CDH18: variants seen among roughly 807,000 people sequenced by gnomAD.
The protein encoded by CDH18 is cadherin 18.
In CDH18, 31 loss-of-function variants were observed where a neutral mutation model predicts 67.9. That is an observed-to-expected ratio of 0.46 (90% confidence interval 0.34 to 0.62). The LOEUF (loss-of-function observed/expected upper bound fraction) is 0.62, where lower values mean the gene tolerates loss of function less well. CDH18 is among the 20% of genes least tolerant of loss of function. The pLI, the probability that CDH18 is intolerant of heterozygous loss-of-function variation, is 0.01. For missense variants in CDH18, 890 were observed against 975.5 expected (o/e 0.91, Z 1.17); for synonymous variants, 362 against 347.2 (o/e 1.04, Z -0.48).
At chr5:20,008,734 C>T (rs933031709) in intron 2 of CDH18, among the ~76,000 whole-genome samples, 5 of 152,096 alleles carry the variant, frequency 3.3e-5, no homozygotes, top group Admixed American at 1.3e-4. Flanking sequence ...TATGCCCGGC[C>T]TATGCTCAAA....
intron 3 of CDH18, among the ~76,000 whole-genome samples, chr5:19,835,260 C>G (rs907313013): frequency 6.6e-6 from 1 of 151,978 alleles, no homozygotes; most frequent in African/African-American, 2.4e-5. Flanking sequence ...CCTCAGCAAA[C>G]TAACACAGGA....
intron 3 of CDH18, among the ~76,000 whole-genome samples, chr5:19,805,564 C>G (rs574055002): frequency 6.6e-6 from 1 of 152,150 alleles, no homozygotes; most frequent in Admixed American, 6.5e-5. Context: ...TAATACTTTG[C>G]ATTTTTCTAT....
intron 1 of CDH18, among the ~76,000 whole-genome samples, chr5:20,391,118 AAAACTT>A: frequency 1.3e-5 from 2 of 152,232 alleles, no homozygotes; most frequent in Middle Eastern, 6.8e-3. Flanking sequence ...CATGTACCCT[AAAACTT>A]AAAGTATAAT....
chr5:20,280,189 TTTTA>T (rs1489966136), intron 1 of CDH18, among the ~76,000 whole-genome samples: 12 of 151,868 alleles, frequency 7.9e-5, no homozygotes, highest in African/African-American at 2.9e-4. Flanking sequence ...TATTTATTTA[TTTTA>T]TTTATTTTTT....
chr5:20,494,401 T>C (rs73764432), intron 1 of CDH18, among the ~76,000 whole-genome samples: 5,876 of 152,056 alleles, frequency 0.039, 370 homozygotes, highest in African/African-American at 0.13. Flanking sequence ...AGAGGGAGGT[T>C]GTGAGAAAGT....
intron 5 of CDH18, among the ~76,000 whole-genome samples, chr5:19,665,122 T>A (rs1481082386): frequency 6.6e-6 from 1 of 151,980 alleles, no homozygotes; most frequent in African/African-American, 2.4e-5. Context: ...TAGAAAAAAA[T>A]TATATTACAT....
At chr5:19,716,932 C>T (rs902222174) in intron 5 of CDH18, among the ~76,000 whole-genome samples, 6 of 151,542 alleles carry the variant, frequency 4.0e-5, no homozygotes, top group Admixed American at 6.6e-5. Flanking sequence ...AACATAAACA[C>T]GCAAATATGA....
At chr5:20,020,086 A>G (rs1007254892) in intron 2 of CDH18, among the ~76,000 whole-genome samples, 3 of 152,172 alleles carry the variant, frequency 2.0e-5, no homozygotes, top group Non-Finnish European at 1.5e-5. Context: ...GGAACTTTGA[A>G]CTTCAGAGAG....
chr5:20,489,076 A>G (rs1753412988), intron 1 of CDH18, among the ~76,000 whole-genome samples: 1 of 151,970 alleles, frequency 6.6e-6, no homozygotes, highest in Non-Finnish European at 1.5e-5. Flanking sequence ...TCAAAAATCT[A>G]TTTTCATATC....
chr5:19,475,782 C>A (rs188937820), intron 12 of CDH18, among the ~76,000 whole-genome samples: 275 of 152,066 alleles, frequency 1.8e-3, no homozygotes, highest in African/African-American at 6.5e-3. Context: ...TTGTGTCTGG[C>A]AACCTTGATT....
chr5:19,588,176 T>C (rs537381090), intron 7 of CDH18, among the ~76,000 whole-genome samples: 5 of 152,026 alleles, frequency 3.3e-5, no homozygotes, highest in African/African-American at 9.7e-5. Context: ...TCAGCTTAAG[T>C]AGCTTTTGGG....
At position 20,127,532 on chromosome 5, in the gene CDH18, C is replaced by T. The variant is rs75241581; in HGVS notation, c.-518+127912G>A. Among the ~76,000 whole-genome samples, 909 of 152,088 alleles carry T rather than the reference C, an allele frequency of 6.0e-3. 30 individuals are homozygous for T. Among genetic ancestry groups the T allele is most frequent in the East Asian group, 0.049 (255 of 5,162 alleles). On this transcript the variant is annotated intron_variant, in intron 2 of 14. Transcript: ENST00000507958. Reference sequence around the variant, plus strand: ...CTTAAAATTAAAAAAAAGGAAATCCCGTCATATGGGACAACATGGAAGAAA... The same window carrying T: ...CTTAAAATTAAAAAAAAGGAAATCCTGTCATATGGGACAACATGGAAGAAA...
intron 2 of CDH18, among the ~76,000 whole-genome samples, chr5:19,916,670 A>G (rs1186599143): frequency 6.6e-6 from 1 of 152,200 alleles, no homozygotes; most frequent in African/African-American, 2.4e-5. Context: ...TTTAGTAGAT[A>G]CACAATAGAG....
intron 6 of CDH18, among the ~76,000 whole-genome samples, chr5:19,610,177 A>G (rs879414557): frequency 1.3e-5 from 2 of 152,066 alleles, no homozygotes; most frequent in Non-Finnish European, 1.5e-5. Context: ...CAGGATTTAC[A>G]TCTGTCAGTC....
At chr5:19,803,729 A>G (rs1264172052) in intron 3 of CDH18, 1 of 152,186 alleles carries the variant, frequency 6.6e-6, no homozygotes, top group Non-Finnish European at 1.5e-5. Context: ...TTTATTTTAT[A>G]TTTCTGATTA....
intron 2 of CDH18, among the ~76,000 whole-genome samples, chr5:19,855,033 G>C (rs915561004): frequency 6.6e-6 from 1 of 151,432 alleles, no homozygotes; most frequent in Non-Finnish European, 1.5e-5. Context: ...ATGTCCTCCA[G>C]GTCCTCCAGT....
intron 1 of CDH18, among the ~76,000 whole-genome samples, chr5:20,556,978 A>G (rs972922217): frequency 2.0e-5 from 3 of 152,146 alleles, no homozygotes; most frequent in East Asian, 1.9e-4. Flanking sequence ...GGAAAAACCT[A>G]TTCCTAAGAG....
At chr5:20,218,547 C>A (rs954483269) in intron 2 of CDH18, among the ~76,000 whole-genome samples, 1 of 151,964 alleles carries the variant, frequency 6.6e-6, no homozygotes, top group African/African-American at 2.4e-5. Context: ...TGTGTCCCCA[C>A]CCAAATCTCA....
At chr5:19,634,673 A>T (rs183895867) in intron 5 of CDH18, among the ~76,000 whole-genome samples, 178 of 152,270 alleles carry the variant, frequency 1.2e-3, no homozygotes, top group African/African-American at 4.2e-3. Context: ...GCAGTGGCTC[A>T]TGCATGTAAT....
Sources: gnomAD v4.1 joint callset for allele counts (sites outside exome capture counted in the v4.1 genomes callset) on GRCh38, gnomAD v4.1.1 for gene constraint, MANE v1.5 for transcripts, NCBI Gene and HGNC (gene_info 2026-07-23, HGNC 2026-07-21) for gene names.